Variants in FHIT observed in about 807,000 individuals in gnomAD.
The protein encoded by FHIT is bis(5'-adenosyl)-triphosphatase.
FHIT carries 19 observed loss-of-function variants against 17.9 expected under a neutral mutation model. The observed-to-expected ratio is 1.06, with a 90% CI of 0.74 to 1.56. FHIT has a LOEUF of 1.56. FHIT is among the 40% of genes most tolerant of loss of function. The probability of loss-of-function intolerance (pLI) is 0.00; values close to 1 mark genes in which losing one functional copy is unlikely to be tolerated. For synonymous variants in FHIT, 81 were observed against 69.7 expected (o/e 1.16, Z -0.81); for missense variants, 248 against 189.2 (o/e 1.31, Z -1.82).
chr3:61,100,400 T>C (rs1212537436), intron 2 of FHIT, among the ~76,000 whole-genome samples: 2 of 152,232 alleles, frequency 1.3e-5, no homozygotes, highest in African/African-American at 4.8e-5. Context: ...TTATCCTTTT[T>C]TATGGCTGCA....
chr3:60,312,925 G>A (rs1709009673), intron 5 of FHIT, among the ~76,000 whole-genome samples: 1 of 152,164 alleles, frequency 6.6e-6, no homozygotes, highest in African/African-American at 2.4e-5. Context: ...GGTAATAAGA[G>A]CGCTGGTATT....
chr3:60,690,401 C>T lies in FHIT; in HGVS notation c.-18+131518G>A, dbSNP rs782616570. On this transcript the variant is annotated intron_variant, in intron 4 of 9. Coordinates refer to ENST00000492590, the MANE Select transcript of FHIT (RefSeq NM_002012.4). ...CACATGAAAAACTGGGAACCATTTGCGTTGGGTCCAGCATTTGCCATGGAC... is the reference window on the plus strand; with the variant it reads ...CACATGAAAAACTGGGAACCATTTGTGTTGGGTCCAGCATTTGCCATGGAC... 3.3e-5 allele frequency: 19 copies of T among 578,406 alleles called. 2 individuals carry two copies. The highest frequency in any genetic ancestry group is 1.5e-4 in the Admixed American group (8 of 53,056). The allele number at this position is 578,406 out of a possible 1,614,324, so 35.8% of individuals were successfully genotyped here. A position where few individuals can be genotyped will look rare whatever the true frequency, so the allele number is the denominator to read the frequency against.
At chr3:60,529,051 T>A (rs1451878187) in intron 5 of FHIT, among the ~76,000 whole-genome samples, 1 of 152,162 alleles carries the variant, frequency 6.6e-6, no homozygotes, top group Non-Finnish European at 1.5e-5. Flanking sequence ...GTAGTAGAAA[T>A]CTCACAAAGA....
intron 5 of FHIT, among the ~76,000 whole-genome samples, chr3:60,448,106 G>C (rs1346130898): frequency 6.6e-6 from 1 of 152,140 alleles, no homozygotes. Context: ...TGTCCATGGT[G>C]GATACTGACC....
At chr3:60,336,927 A>G (rs1161187918) in intron 5 of FHIT, among the ~76,000 whole-genome samples, 1 of 151,526 alleles carries the variant, frequency 6.6e-6, no homozygotes, top group Non-Finnish European at 1.5e-5. Flanking sequence ...TGTCAGTTTG[A>G]TGAGTGTATC....
chr3:59,813,018 A>C (rs550252072), intron 8 of FHIT, among the ~76,000 whole-genome samples: 1 of 152,266 alleles, frequency 6.6e-6, no homozygotes, highest in African/African-American at 2.4e-5. Context: ...CTTGCAAGCC[A>C]TATCTTTTCT....
At chr3:61,068,673 G>C (rs13099522) in intron 2 of FHIT, among the ~76,000 whole-genome samples, 2 of 150,752 alleles carry the variant, frequency 1.3e-5, no homozygotes, top group Admixed American at 6.6e-5. Context: ...GAGGGCGCAT[G>C]ATTCTACCTA....
At chr3:60,713,141 C>T (rs2041585660) in intron 4 of FHIT, among the ~76,000 whole-genome samples, 2 of 152,164 alleles carry the variant, frequency 1.3e-5, no homozygotes, top group South Asian at 2.1e-4. Context: ...AACCGCTCAA[C>T]TACATGGAAA....
chr3:60,754,625 C>G (rs1398212047), intron 4 of FHIT, among the ~76,000 whole-genome samples: 2 of 151,598 alleles, frequency 1.3e-5, no homozygotes, highest in Admixed American at 6.6e-5. Context: ...GAGTGAAACT[C>G]TGTCTCAAAA....
At chr3:60,033,313 T>C (rs1701079381) in intron 5 of FHIT, among the ~76,000 whole-genome samples, 2 of 151,968 alleles carry the variant, frequency 1.3e-5, no homozygotes, top group South Asian at 4.2e-4. Context: ...CTGACCAACA[T>C]GGAGAAACCC....
intron 7 of FHIT, among the ~76,000 whole-genome samples, chr3:59,929,237 T>G (rs536505057): frequency 6.6e-6 from 1 of 151,964 alleles, no homozygotes; most frequent in Non-Finnish European, 1.5e-5. Context: ...TTTTAATGCA[T>G]AGTTTACACA....
intron 5 of FHIT, among the ~76,000 whole-genome samples, chr3:60,046,062 G>C (rs375233518): frequency 6.6e-6 from 1 of 152,128 alleles, no homozygotes; most frequent in Non-Finnish European, 1.5e-5. Context: ...AAGTATGAAT[G>C]GATTTATCCT....
chr3:59,864,471 C>G (rs1174527692), intron 8 of FHIT, among the ~76,000 whole-genome samples: 1 of 151,986 alleles, frequency 6.6e-6, no homozygotes, highest in African/African-American at 2.4e-5. Context: ...TCTTCCCAGT[C>G]TTGGGTATGT....
Position 60,670,981 on chromosome 3 carries a change from TAC to T in FHIT, c.-17-134004_-17-134003del, listed in dbSNP as rs540298188. Among the ~76,000 whole-genome samples the T allele has an allele frequency of 1.1e-4, 17 of 152,298 alleles. No homozygotes were observed. In the South Asian group the frequency reaches 2.5e-3, roughly 22 times the overall value. On this transcript the variant is annotated intron_variant, in intron 4 of 9. Coordinates refer to ENST00000492590, the MANE Select transcript of FHIT (RefSeq NM_002012.4). ...AAAATACAATATTATATAGAATAAA[TAC>T]ATTGCCCACCTTCATTCATCCAGCA...
chr3:60,386,211 T>C (rs1453019823), intron 5 of FHIT, among the ~76,000 whole-genome samples: 3 of 152,122 alleles, frequency 2.0e-5, no homozygotes, highest in South Asian at 4.1e-4. Context: ...TCTCCTTCCC[T>C]GCCTTCTTGT....
chr3:60,995,048 C>T (rs1470083861), intron 3 of FHIT, among the ~76,000 whole-genome samples: 1 of 152,120 alleles, frequency 6.6e-6, no homozygotes, highest in Non-Finnish European at 1.5e-5. Flanking sequence ...CAGCCAGGCG[C>T]GGTGGCTCAC....
intron 5 of FHIT, among the ~76,000 whole-genome samples, chr3:60,144,051 CTG>C (rs1357150015): frequency 6.6e-6 from 1 of 151,290 alleles, no homozygotes; most frequent in Non-Finnish European, 1.5e-5. Context: ...TGAAGACACA[CTG>C]GACTGAGAAA....
At chr3:60,614,809 GTTTTT>G (rs147892145) in intron 4 of FHIT, among the ~76,000 whole-genome samples, 2 of 78,226 alleles carry the variant, frequency 2.6e-5, no homozygotes, top group Admixed American at 1.5e-4. Context: ...TGCAAAAGTT[GTTTTT>G]TTTTTGTTTT....
At chr3:60,409,237 G>A (rs577702907) in intron 5 of FHIT, among the ~76,000 whole-genome samples, 10 of 152,070 alleles carry the variant, frequency 6.6e-5, no homozygotes, top group Non-Finnish European at 1.3e-4. Context: ...AGCATTTAGG[G>A]GTAAACTTCT....
Sources: allele counts gnomAD v4.1 joint callset (sites outside exome capture counted in the v4.1 genomes callset), GRCh38; gene constraint gnomAD v4.1.1; transcripts MANE v1.5; gene names NCBI Gene and HGNC (gene_info 2026-07-23, HGNC 2026-07-21).